The following ADGRL2 variants were observed in gnomAD, a reference collection of about 807,000 sequenced individuals.
ADGRL2 encodes adhesion G protein-coupled receptor L2, also known as calcium-independent alpha-latrotoxin receptor 2.
Under a neutral mutation model 157.4 loss-of-function variants are expected in ADGRL2, and 44 were observed. The ratio of observed to expected loss-of-function variants is 0.28; its 90% confidence interval spans 0.22 to 0.36. The LOEUF (loss-of-function observed/expected upper bound fraction) is 0.36, where lower values mean the gene tolerates loss of function less well. ADGRL2 is among the 10% of genes least tolerant of loss of function. The probability of loss-of-function intolerance (pLI) is 1.00; values close to 1 mark genes in which losing one functional copy is unlikely to be tolerated. For missense variants in ADGRL2, 1,510 were observed against 1,768.9 expected (o/e 0.85, Z 2.63); for synonymous variants, 585 against 624.7 (o/e 0.94, Z 0.95).
At chr1:81,938,062 T>C (rs547616330) in intron 4 of ADGRL2, among the ~76,000 whole-genome samples, 2 of 151,878 alleles carry the variant, frequency 1.3e-5, no homozygotes, top group African/African-American at 2.4e-5. Flanking sequence ...TACTGTGAAA[T>C]GGATGCTTTT....
At chr1:81,751,917 T>A (rs1019709491) in intron 1 of ADGRL2, among the ~76,000 whole-genome samples, 2 of 152,236 alleles carry the variant, frequency 1.3e-5, no homozygotes, top group African/African-American at 4.8e-5. Context: ...TTCAACATCT[T>A]CCATGATATG....
chr1:81,970,204 T>C, intron 15 of ADGRL2, 110 bp from the exon 16 acceptor site: 1 of 780,394 alleles, frequency 1.3e-6, no homozygotes, highest in Non-Finnish European at 2.2e-6. Flanking sequence ...CTCTGAATAA[T>C]GTATTTTTGA....
chr1:81,913,170 G>A (rs933438763), intron 3 of ADGRL2, among the ~76,000 whole-genome samples: 1 of 152,112 alleles, frequency 6.6e-6, no homozygotes, highest in African/African-American at 2.4e-5. Flanking sequence ...TTCTGTTCTT[G>A]AATTTCCCTT....
chr1:81,426,811 G>A (rs2077225890), intron 1 of ADGRL2: 1 of 509,358 alleles, frequency 2.0e-6, no homozygotes, highest in South Asian at 1.6e-5. Context: ...GATAAAGCCT[G>A]ATGCCCATCT....
intron 4 of ADGRL2, among the ~76,000 whole-genome samples, chr1:81,940,378 G>A (rs1055279623): frequency 1.2e-4 from 18 of 151,478 alleles, no homozygotes; most frequent in Non-Finnish European, 1.8e-4. Flanking sequence ...ATTGCTCTTC[G>A]CTGAGGAGTA....
At chr1:81,644,414 G>T (rs1042637118) in intron 3 of ADGRL2, among the ~76,000 whole-genome samples, 1 of 152,096 alleles carries the variant, frequency 6.6e-6, no homozygotes, top group African/African-American at 2.4e-5. Context: ...AAAAGACACT[G>T]GCTAGAGAAT....
intron 3 of ADGRL2, among the ~76,000 whole-genome samples, chr1:81,662,607 T>A (rs1048448740): frequency 8.6e-5 from 13 of 150,314 alleles, no homozygotes; most frequent in African/African-American, 3.2e-4. Flanking sequence ...CAGGCTAGAG[T>A]GCAGTGGCCC....
At chr1:81,799,007 T>G (rs1032206374), upstream of ADGRL2, among the ~76,000 whole-genome samples, 12 of 152,194 alleles carry the variant, frequency 7.9e-5, no homozygotes, top group Non-Finnish European at 1.6e-4. Flanking sequence ...TCAGTTTGAC[T>G]TATTCTCTTT....
chr1:81,803,462 G>C (rs2149514317), intron 1 of ADGRL2, among the ~76,000 whole-genome samples: 1 of 152,126 alleles, frequency 6.6e-6, no homozygotes, highest in Non-Finnish European at 1.5e-5. Context: ...TGTTCACTCT[G>C]TGCTCTCAAA....
intron 1 of ADGRL2, among the ~76,000 whole-genome samples, chr1:81,434,538 A>G (rs1030652594): frequency 6.6e-6 from 1 of 152,212 alleles, no homozygotes; most frequent in Non-Finnish European, 1.5e-5. Flanking sequence ...TGAATTAATG[A>G]GTGAACTAGT....
chr1:81,661,376 G>T (rs533196059), intron 3 of ADGRL2, among the ~76,000 whole-genome samples: 5 of 152,174 alleles, frequency 3.3e-5, no homozygotes, highest in African/African-American at 1.2e-4. Flanking sequence ...CACGTTTTTG[G>T]TTGCTCAGGA....
chr1:81,771,367 G>T (rs1430996950), intron 2 of ADGRL2, among the ~76,000 whole-genome samples: 1 of 152,150 alleles, frequency 6.6e-6, no homozygotes, highest in Non-Finnish European at 1.5e-5. Context: ...TGAATGGGGT[G>T]AATCTGAATT....
intron 12 of ADGRL2, 61 bp from the exon 13 acceptor site, chr1:81,966,343 T>C (rs1188036117): frequency 6.5e-7 from 1 of 1,546,074 alleles, no homozygotes; most frequent in East Asian, 2.3e-5. Flanking sequence ...ATTCTTATTT[T>C]ATCTTAGTTT....
At chr1:81,832,288 T>A (rs1389216450) in intron 1 of ADGRL2, among the ~76,000 whole-genome samples, 3 of 152,106 alleles carry the variant, frequency 2.0e-5, no homozygotes, top group Non-Finnish European at 2.9e-5. Context: ...ATTACAGGCA[T>A]GCACCACCAT....
chr1:81,491,376 T>C (rs2078629655), intron 2 of ADGRL2, among the ~76,000 whole-genome samples: 1 of 152,130 alleles, frequency 6.6e-6, no homozygotes, highest in Non-Finnish European at 1.5e-5. Flanking sequence ...AATGCTCACA[T>C]GGGTGTGTTC....
chr1:81,576,599 G>C (rs1243310247), intron 2 of ADGRL2, among the ~76,000 whole-genome samples: 1 of 152,044 alleles, frequency 6.6e-6, no homozygotes, highest in African/African-American at 2.4e-5. Context: ...TCTTTGCTAG[G>C]TGCCAAAAAT....
chr1:81,951,908 G>A (rs769019271), intron 8 of ADGRL2, 49 bp from the exon 9 acceptor site: 1 of 1,477,230 alleles, frequency 6.8e-7, no homozygotes, highest in East Asian at 2.3e-5. Flanking sequence ...ACTAGAAGCT[G>A]TAAACAGAAA....
intron 2 of ADGRL2, among the ~76,000 whole-genome samples, chr1:81,517,489 A>AAAAAAT: frequency 6.8e-6 from 1 of 148,062 alleles, no homozygotes; most frequent in Non-Finnish European, 1.5e-5. Context: ...AAAAAAAAAA[A>AAAAAAT]GGATGTCAAA....
intron 3 of ADGRL2, among the ~76,000 whole-genome samples, chr1:81,631,224 TG>T (rs1453750227): frequency 7.3e-5 from 11 of 151,364 alleles, no homozygotes; most frequent in African/African-American, 2.7e-4. Flanking sequence ...TCTTTTCTTT[TG>T]TTTTTTTTTG....
Sources: allele counts gnomAD v4.1 joint callset (sites outside exome capture counted in the v4.1 genomes callset), GRCh38; gene constraint gnomAD v4.1.1; transcripts MANE v1.5; gene names NCBI Gene and HGNC (gene_info 2026-07-23, HGNC 2026-07-21).